Variants in ZFHX3 observed in about 807,000 individuals in gnomAD.
The protein encoded by ZFHX3 is zinc finger homeobox protein 3.
Under a neutral mutation model 279.1 loss-of-function variants are expected in ZFHX3, and 42 were observed. The ratio of observed to expected loss-of-function variants is 0.15; its 90% confidence interval spans 0.12 to 0.19. The LOEUF is 0.19. ZFHX3 is among the 10% of genes least tolerant of loss of function. The probability of loss-of-function intolerance (pLI) is 1.00; values close to 1 mark genes in which losing one functional copy is unlikely to be tolerated. For missense variants in ZFHX3, 4,981 were observed against 4,754.0 expected, an observed-to-expected ratio of 1.05 and a Z score of -1.40; for synonymous variants, 2,293 against 1,957.8, an observed-to-expected ratio of 1.17 and a Z score of -4.52.
chr16:73,631,925 TCTCACACA>T (rs1272144342), intron 2 of ZFHX3, among the ~76,000 whole-genome samples: 5 of 90,874 alleles, frequency 5.5e-5, no homozygotes, highest in Non-Finnish European at 9.5e-5. Context: ...TCTCTCTCTC[TCTCACACA>T]CACACACACA....
intron 4 of ZFHX3, among the ~76,000 whole-genome samples, chr16:72,876,562 T>G (rs917266182): frequency 9.9e-5 from 15 of 152,014 alleles, no homozygotes; most frequent in Non-Finnish European, 1.9e-4. Flanking sequence ...TATTACCTCC[T>G]CTTCTCTCCT....
chr16:73,852,321 C>T (rs1214828689), intron 1 of ZFHX3, among the ~76,000 whole-genome samples: 1 of 152,186 alleles, frequency 6.6e-6, no homozygotes, highest in Non-Finnish European at 1.5e-5. Flanking sequence ...AGTCTACTCA[C>T]AGGTGTAGGC....
chr16:73,169,656 C>A (rs557765936), intron 5 of ZFHX3, among the ~76,000 whole-genome samples: 2 of 146,954 alleles, frequency 1.4e-5, no homozygotes, highest in Admixed American at 6.8e-5. Flanking sequence ...GAGACGATGT[C>A]TCAAAAAAGG....
intron 4 of ZFHX3, among the ~76,000 whole-genome samples, chr16:73,285,599 C>T (rs529174413): frequency 2.6e-4 from 39 of 152,210 alleles, no homozygotes; most frequent in Non-Finnish European, 2.5e-4. Context: ...GAAACCTCTG[C>T]GTAAAGACCA....
chr16:73,177,633 G>T (rs1179227349), intron 5 of ZFHX3, among the ~76,000 whole-genome samples: 1 of 152,246 alleles, frequency 6.6e-6, no homozygotes, highest in Non-Finnish European at 1.5e-5. Context: ...GAGTTTCTGT[G>T]TTTCCACAGA....
At chr16:73,327,355 C>G (rs1199064107) in intron 3 of ZFHX3, among the ~76,000 whole-genome samples, 1 of 152,154 alleles carries the variant, frequency 6.6e-6, no homozygotes, top group Non-Finnish European at 1.5e-5. Context: ...GGTATGATGA[C>G]TCATTCCCTA....
rs771086271 is a variant in ZFHX3, at chr16:72,950,475, C to T, written c.3210G>A (p.Leu1070=). The T allele has an allele frequency of 4.3e-6, 7 of 1,613,242 alleles. No homozygotes were observed. Among genetic ancestry groups the T allele is most frequent in the East Asian group, 4.5e-5 (2 of 44,866 alleles). The change falls in exon 3 of 10, where the codon TTG becomes TTA. Residue 1070 remains leucine, a synonymous_variant. Coordinates refer to ENST00000268489, the MANE Select transcript of ZFHX3 (RefSeq NM_006885.4). ...ATAAGGAGCTGGGCCTTACCTTGTA[C>T]AACTTCAGGCTGGCCTCGTGCCTGG... ...VNSRHEASLK[L]YKHLQQHESG...
intron 4 of ZFHX3, among the ~76,000 whole-genome samples, chr16:72,863,906 C>T (rs187796472): frequency 8.7e-4 from 132 of 152,110 alleles, no homozygotes; most frequent in Middle Eastern, 3.4e-3. Flanking sequence ...CATGAGGTCA[C>T]GAGATCGAGA....
At position 73,556,465 on chromosome 16, in the gene ZFHX3, C is replaced by T. The variant is rs142157097; in HGVS notation, c.-1546-100207G>A. Among the ~76,000 whole-genome samples, 147 of 152,280 alleles carry T rather than the reference C, an allele frequency of 9.7e-4. 1 individual carries two copies. The highest frequency in any genetic ancestry group is 1.8e-3 in the Admixed American group (28 of 15,304). On this transcript the variant is annotated intron_variant, in intron 2 of 17. Transcript: ENST00000641206. ...GGCAGTCAGAGAGCTGTCATTTAAC[C>T]TTCACCATCTGTTTGCTTCAAAAGA...
At chr16:73,450,246 T>TA (rs1218370058) in intron 3 of ZFHX3, among the ~76,000 whole-genome samples, 1 of 152,230 alleles carries the variant, frequency 6.6e-6, no homozygotes, top group African/African-American at 2.4e-5. Context: ...AATCCCTTTT[T>TA]AAAAATCTGT....
chr16:73,131,859 A>T (rs1966689712), intron 6 of ZFHX3, among the ~76,000 whole-genome samples: 1 of 152,108 alleles, frequency 6.6e-6, no homozygotes, highest in South Asian at 2.1e-4. Flanking sequence ...GGGGATCAAA[A>T]ATCTTGGCTC....
Position 72,959,837 on chromosome 16 carries a change from G to C in ZFHX3, c.309C>G (p.Arg103=), listed in dbSNP as rs577328051. 1.9e-6 allele frequency: 3 copies of C among 1,594,824 alleles called. No individual in the cohort carries two copies. Among genetic ancestry groups the C allele is most frequent in the Non-Finnish European group, 2.6e-6 (3 of 1,168,428 alleles). The change falls in exon 2 of 10, where the codon CGC becomes CGG. Residue 103 remains arginine, a synonymous_variant. Coordinates refer to ENST00000268489, the MANE Select transcript of ZFHX3 (RefSeq NM_006885.4). ...TYMEHHCPSA[R]PPPPLREESA... ...TCTCCTCTCTCAGGGGTGGCGGGGG[G>C]CGCGCGCTGGGGCAGTGGTGCTCCA...
At chr16:73,476,124 A>C (rs1460852184) in intron 2 of ZFHX3, among the ~76,000 whole-genome samples, 1 of 152,108 alleles carries the variant, frequency 6.6e-6, no homozygotes, top group Non-Finnish European at 1.5e-5. Flanking sequence ...TCCTGTTTGC[A>C]AGCTTCATTT....
chr16:72,993,415 T>C (rs186552391), intron 1 of ZFHX3, among the ~76,000 whole-genome samples: 4 of 152,298 alleles, frequency 2.6e-5, no homozygotes, highest in Admixed American at 2.0e-4. Context: ...CTACATGTAT[T>C]AACATGTTTC....
At chr16:73,225,396 G>C (rs1013412287) in intron 5 of ZFHX3, among the ~76,000 whole-genome samples, 3 of 152,006 alleles carry the variant, frequency 2.0e-5, no homozygotes, top group East Asian at 3.9e-4. Flanking sequence ...TGAGAGGAAT[G>C]CTTGAGTCCA....
intron 4 of ZFHX3, among the ~76,000 whole-genome samples, chr16:73,316,690 C>A (rs147355025): frequency 2.0e-5 from 3 of 152,144 alleles, no homozygotes; most frequent in South Asian, 2.1e-4. Context: ...CAAATTCTTG[C>A]GATAAAATGC....
intron 5 of ZFHX3, among the ~76,000 whole-genome samples, chr16:73,240,717 G>C (rs1311836942): frequency 3.3e-5 from 5 of 152,198 alleles, no homozygotes; most frequent in Non-Finnish European, 7.3e-5. Flanking sequence ...AATGATGAAA[G>C]TGCTGCAAGT....
intron 1 of ZFHX3, among the ~76,000 whole-genome samples, chr16:73,007,919 C>T (rs182057757): frequency 6.6e-6 from 1 of 152,118 alleles, no homozygotes; most frequent in South Asian, 2.1e-4. Flanking sequence ...ACATTTGTTA[C>T]ACTTTTTCTA....
intron 5 of ZFHX3, among the ~76,000 whole-genome samples, chr16:73,237,833 G>T (rs1299435027): frequency 6.6e-6 from 1 of 152,162 alleles, no homozygotes; most frequent in East Asian, 1.9e-4. Context: ...GGCAAAGGCA[G>T]AAGCCATCCT....
Sources: allele counts gnomAD v4.1 joint callset (sites outside exome capture counted in the v4.1 genomes callset), GRCh38; gene constraint gnomAD v4.1.1; transcripts MANE v1.5; gene names NCBI Gene and HGNC (gene_info 2026-07-23, HGNC 2026-07-21).